The following TMEM94 variants were observed in gnomAD, a reference collection of about 807,000 sequenced individuals.
The protein encoded by TMEM94 is transmembrane protein 94.
A neutral mutation model predicts 158.6 loss-of-function variants in TMEM94; 81 were observed. That is an observed-to-expected ratio of 0.51 (90% CI 0.43 to 0.61). The LOEUF is 0.61. Ranked by LOEUF, TMEM94 falls within the 20% of genes least tolerant of loss-of-function variation. The probability of loss-of-function intolerance (pLI) is 0.00; values close to 1 mark genes in which losing one functional copy is unlikely to be tolerated. For missense variants in TMEM94, 1,435 were observed against 1,762.0 expected (o/e 0.81, Z 3.32); for synonymous variants, 751 against 730.7 (o/e 1.03, Z -0.45).
chr17:75,479,197 G>T (rs2050957049), intron 2 of TMEM94, among the ~76,000 whole-genome samples: 2 of 152,130 alleles, frequency 1.3e-5, no homozygotes, highest in South Asian at 4.1e-4. Context: ...GCCAGGCACG[G>T]TGGTTCACGC....
intron 2 of TMEM94, among the ~76,000 whole-genome samples, chr17:75,484,107 A>G (rs1406213251): frequency 1.3e-5 from 2 of 152,188 alleles, no homozygotes; most frequent in East Asian, 3.9e-4. Context: ...CGGGGCCTAC[A>G]CTGTCCACAC....
rs1457197272 is a variant in TMEM94, at chr17:75,499,417, GA to G, written c.*85del. 7 of 1,366,504 alleles carry G rather than the reference GA, an allele frequency of 5.1e-6. No homozygotes were observed. The African/African-American group carries it at 1.0e-4, about 20-fold the overall frequency. The allele number at this position is 1,366,504 out of a possible 1,614,324, so 84.6% of individuals were successfully genotyped here. ...TTCTGAACAGGGGAGTTTGTATCAT[GA>G]ATGTTTCCAGGTTTGCTCCTGCACC... On this transcript the variant is annotated 3_prime_UTR_variant, in exon 32 of 32. Transcript: ENST00000314256.
intron 5 of TMEM94, among the ~76,000 whole-genome samples, chr17:75,486,908 G>A (rs1216464231): frequency 6.6e-6 from 1 of 152,124 alleles, no homozygotes; most frequent in African/African-American, 2.4e-5. Context: ...CTTTCATTCA[G>A]GCGGTGTTTA....
chr17:75,458,884 C>T (rs11077789), intron 1 of TMEM94, among the ~76,000 whole-genome samples: 124,569 of 150,770 alleles, frequency 0.83, 52,174 homozygotes, highest in Middle Eastern at 0.91. Flanking sequence ...GGTGAAACCC[C>T]ATCTCTACTA....
rs369526675 is a variant in TMEM94 at position 75,491,810 on chromosome 17, C to G, written c.1506C>G (p.His502Gln). Residue 502 changes from histidine (H) to glutamine (Q), a missense_variant, in exon 14 of 32, where the codon CAC becomes CAG. His to Gln is a conservative substitution (Grantham distance 24, BLOSUM62 0). Around this residue, in one of 3 missense-constraint regions of TMEM94, gnomAD observed 1,051 missense variants for 1,254.4 expected, o/e 0.84. Coordinates refer to ENST00000314256, the MANE Select transcript of TMEM94 (RefSeq NM_014738.6). This position sits in a 1 kb window ranked among gnomAD's most constrained non-coding sequence, Gnocchi z 5.1. ...CCAAGCCCCCCGAGCCCTATTCACA[C>G]CACAAAGCGCATGGCCGCAGCAAAC... ...EAPKPPEPYS[H>Q]HKAHGRSKHP... 1.5e-5 allele frequency: 25 copies of G among 1,614,128 alleles called. No homozygotes were observed. The African/African-American group carries it at 2.5e-4, about 16-fold the overall frequency.
chr17:75,464,923 T>C (rs1245121711), intron 1 of TMEM94, among the ~76,000 whole-genome samples: 1 of 151,796 alleles, frequency 6.6e-6, no homozygotes, highest in Non-Finnish European at 1.5e-5. Flanking sequence ...GGTCTTGAAC[T>C]CCCGACCTCA....
Position 75,489,508 on chromosome 17 carries a change from G to A in TMEM94, c.868-68G>A. 2 of 1,514,232 alleles carry A rather than the reference G, an allele frequency of 1.3e-6. No individual in the cohort carries two copies. Among genetic ancestry groups the A allele is most frequent in the Admixed American group, 1.7e-5 (1 of 59,820 alleles). 93.8% of individuals were successfully genotyped at this position (1,514,232 alleles called of 1,614,324 possible). A position where few individuals can be genotyped will look rare whatever the true frequency, so the allele number is the denominator to read the frequency against. ...CCAGCCTGTGGAGTAGCAAAGGAAG[G>A]GGAACGGCAGTGCCTGGGTCCCTCT... On this transcript the variant is annotated intron_variant, in intron 8 of 31. Coordinates refer to ENST00000314256, the MANE Select transcript of TMEM94 (RefSeq NM_014738.6). This position sits in a 1 kb window ranked among gnomAD's most constrained non-coding sequence, Gnocchi z 5.0.
chr17:75,471,452 C>T (rs569377735), intron 1 of TMEM94, among the ~76,000 whole-genome samples: 22 of 151,934 alleles, frequency 1.4e-4, no homozygotes, highest in South Asian at 1.2e-3. Context: ...GCGTACCATA[C>T]TGTGGTTTAG....
In TMEM94 at chr17:75,489,414, G is replaced by T; in HGVS notation, c.867+46G>T. The T allele has an allele frequency of 6.3e-7, 1 of 1,581,706 alleles. No homozygotes were observed. Among genetic ancestry groups the T allele is most frequent in the Non-Finnish European group, 8.7e-7 (1 of 1,150,906 alleles). ...CGGGGCTGCATGGGGCAGAGGAGAG[G>T]GCTGGACACGGGGGGGTCTCAGGGC... On this transcript the variant is annotated intron_variant, in intron 8 of 31. Coordinates refer to ENST00000314256, the MANE Select transcript of TMEM94 (RefSeq NM_014738.6). This position sits in a 1 kb window ranked among gnomAD's most constrained non-coding sequence, Gnocchi z 5.0.
In TMEM94 at chr17:75,495,276, C is replaced by T. The variant is rs1444916576; in HGVS notation, c.2729-8C>T. 1 of 1,589,458 alleles carries T rather than the reference C, an allele frequency of 6.3e-7. No individual in the cohort carries two copies. The highest frequency in any genetic ancestry group is 8.6e-7 in the Non-Finnish European group (1 of 1,163,678). The stretch of plus-strand genomic sequence containing the variant: ...CCCAAGGTGAGGGAGAGGCTTTTGT[C>T]CCCACAGTGTCCCGAGATGATGCAG... On this transcript the variant is annotated splice_polypyrimidine_tract_variant and splice_region_variant and intron_variant, in intron 20 of 31. Transcript: ENST00000314256. The surrounding 1 kb of genome is among the most constrained non-coding windows in gnomAD (Gnocchi z 5.6).
intron 25 of TMEM94, 84 bp downstream of exon 25, chr17:75,496,891 TG>T: frequency 6.9e-7 from 1 of 1,454,590 alleles, no homozygotes; most frequent in Non-Finnish European, 9.6e-7. Flanking sequence ...GGAAGGAGGC[TG>T]GGGTTAGCAG....
intron 16 of TMEM94, 157 bp from the exon 17 acceptor site, chr17:75,493,334 G>A: frequency 1.2e-6 from 1 of 857,766 alleles, no homozygotes; most frequent in East Asian, 2.7e-5. Context: ...TCCAAGCCCA[G>A]TGGCATTGCA....
Position 75,480,964 on chromosome 17 carries a change from G to A in TMEM94, c.25-4464G>A, listed in dbSNP as rs368602621. Among the ~76,000 whole-genome samples the A allele has an allele frequency of 1.2e-4, 18 of 152,310 alleles. 1 individual carries two copies. The East Asian group carries it at 1.4e-3, about 11-fold the overall frequency. On this transcript the variant is annotated intron_variant, in intron 2 of 31. Coordinates refer to ENST00000314256, the MANE Select transcript of TMEM94 (RefSeq NM_014738.6). ...AGGAAGCTCAGAAGGCTGAGCCTGA[G>A]GGGAAGACACTGGAGGCCTGGGGTC...
At chr17:75,476,067 T>C (rs2146303096) in intron 2 of TMEM94, among the ~76,000 whole-genome samples, 1 of 152,312 alleles carries the variant, frequency 6.6e-6, no homozygotes, top group East Asian at 1.9e-4. Context: ...TGGAAAGGGC[T>C]GTTGGCTTGG....
Position 75,496,013 on chromosome 17 carries a change from TGCTGCCTG to T in TMEM94, c.2994_3001del (p.Cys998TrpfsTer91). 1 of 1,613,532 alleles carries T rather than the reference TGCTGCCTG, an allele frequency of 6.2e-7. No individual in the cohort carries two copies. Among genetic ancestry groups the T allele is most frequent in the Non-Finnish European group, 8.5e-7 (1 of 1,179,990 alleles). ...CATGCAAGAGTACGGGGAGGTGACC[TGCTGCCTG>T]GGCAGCTCTGCCAACCTGCGGAACA... On this transcript the variant is annotated frameshift_variant, in exon 23 of 32. Coordinates refer to ENST00000314256, the MANE Select transcript of TMEM94 (RefSeq NM_014738.6). LOFTEE classifies it high-confidence loss of function.
rs112425690 is a variant in TMEM94, at chr17:75,491,102, G to C, written c.1182G>C (p.Ser394=). ...TCCTGAGGGTGCTCGGGGGGACATC[G>C]CCAACGCTGAGCCACAGTTCCAGCC... ...GHFLRVLGGT[S]PTLSHSSSLL... Residue 394 remains serine (S), a synonymous_variant, in exon 12 of 32, where the codon TCG becomes TCC. Transcript: ENST00000314256. The surrounding 1 kb of genome is among the most constrained non-coding windows in gnomAD (Gnocchi z 5.1). 6.2e-7 allele frequency: 1 copy of C among 1,613,434 alleles called. No individual in the cohort carries two copies. The highest frequency in any genetic ancestry group is 1.7e-5 in the Admixed American group (1 of 59,936).
chr17:75,488,234 C>A, intron 6 of TMEM94, 100 bp downstream of exon 6: 1 of 1,167,844 alleles, frequency 8.6e-7, no homozygotes, highest in South Asian at 1.3e-5. Flanking sequence ...TCCCGGCCAG[C>A]TTACTGGCTT....
At chr17:75,463,034 AAAAATATATATATAT>A (rs1217800777) in intron 1 of TMEM94, among the ~76,000 whole-genome samples, 26 of 3,768 alleles carry the variant, frequency 6.9e-3, no homozygotes, top group Non-Finnish European at 0.012. Flanking sequence ...AAAAAAAAAA[AAAAATATATATATAT>A]ATATATATAT....
chr17:75,497,259 T>G, intron 26 of TMEM94, 61 bp downstream of exon 26: 1 of 1,421,988 alleles, frequency 7.0e-7, no homozygotes, highest in East Asian at 2.3e-5. Flanking sequence ...TGGATGTCAC[T>G]GTGCAGCCCC....
Sources: gnomAD v4.1 joint callset for allele counts (sites outside exome capture counted in the v4.1 genomes callset) on GRCh38, gnomAD v4.1.1 for gene constraint, gnomAD v4.1.1 regional missense constraint, Gnocchi (gnomAD v3.1) non-coding constraint, MANE v1.5 for transcripts, NCBI Gene and HGNC (gene_info 2026-07-23, HGNC 2026-07-21) for gene names.